The following KCNIP4 variants were observed in gnomAD, a reference collection of about 807,000 sequenced individuals.
The protein encoded by KCNIP4 is potassium voltage-gated channel interacting protein 4, also known as Kv channel-interacting protein 4.
A neutral mutation model predicts 34.0 loss-of-function variants in KCNIP4; 12 were observed. The observed-to-expected ratio is 0.35, with a 90% confidence interval of 0.23 to 0.57. The LOEUF is 0.57. KCNIP4 is among the 20% of genes least tolerant of loss of function. KCNIP4 has a pLI of 0.83. For missense variants in KCNIP4, 238 were observed against 311.7 expected (o/e 0.76, Z 1.78); for synonymous variants, 124 against 102.2 (o/e 1.21, Z -1.29).
chr4:21,201,214 T>A (rs1756465210), intron 1 of KCNIP4, among the ~76,000 whole-genome samples: 1 of 152,246 alleles, frequency 6.6e-6, no homozygotes, highest in Non-Finnish European at 1.5e-5. Flanking sequence ...GTATCTGTTA[T>A]AGCCCAATAT....
rs890859568 is a variant in KCNIP4 at position 21,303,939 on chromosome 4, T to A, written c.62-421230A>T. ...TAGGTCATGGTCCGACCACAGCCAC[T>A]GAGAAGTGCTCCTCTGCCTGGCTTT... On this transcript the variant is annotated intron_variant, in intron 1 of 8. Coordinates refer to ENST00000382152, the MANE Select transcript of KCNIP4 (RefSeq NM_025221.6). The A allele has an allele frequency of 6.8e-6, 11 of 1,611,544 alleles. No individual in the cohort carries two copies. The Admixed American group carries it at 1.7e-4, about 24-fold the overall frequency.
chr4:21,607,944 G>A (rs1233697489), intron 1 of KCNIP4, among the ~76,000 whole-genome samples: 1 of 152,164 alleles, frequency 6.6e-6, no homozygotes, highest in Non-Finnish European at 1.5e-5. Flanking sequence ...GGGGAGCTGA[G>A]ACGCTGCAGG....
intron 1 of KCNIP4, among the ~76,000 whole-genome samples, chr4:21,936,601 C>T (rs1729875624): frequency 6.6e-6 from 1 of 152,054 alleles, no homozygotes; most frequent in South Asian, 2.1e-4. Context: ...AACAGAATTA[C>T]CGGGCAAGAA....
At chr4:21,834,575 A>G (rs1723199221) in intron 1 of KCNIP4, among the ~76,000 whole-genome samples, 2 of 152,060 alleles carry the variant, frequency 1.3e-5, no homozygotes, top group African/African-American at 4.8e-5. Flanking sequence ...CTAATTGAAT[A>G]CCCTTTATTT....
At chr4:21,340,742 C>A (rs1716679133) in intron 1 of KCNIP4, among the ~76,000 whole-genome samples, 2 of 151,850 alleles carry the variant, frequency 1.3e-5, no homozygotes, top group South Asian at 4.1e-4. Flanking sequence ...AACAAGGCTG[C>A]AGTTTAGTGT....
At chr4:21,031,901 G>C (rs1741057109) in intron 1 of KCNIP4, among the ~76,000 whole-genome samples, 1 of 152,174 alleles carries the variant, frequency 6.6e-6, no homozygotes, top group African/African-American at 2.4e-5. Context: ...ATTTTGAGCT[G>C]TAAGGTATCT....
chr4:20,814,805 C>T (rs545234316), intron 3 of KCNIP4, among the ~76,000 whole-genome samples: 32 of 152,196 alleles, frequency 2.1e-4, no homozygotes, highest in African/African-American at 4.8e-4. Context: ...AATTATAGGA[C>T]GACCTGGAGA....
Position 21,513,017 on chromosome 4 carries a change from G to A in KCNIP4, c.61+435554C>T, listed in dbSNP as rs188848306. On this transcript the variant is annotated intron_variant, in intron 1 of 8. Transcript: ENST00000382152. The stretch of plus-strand genomic sequence containing the variant: ...TGTGGCTTGTGTGGAGTAAGCGGAA[G>A]ATAAATGCTGTTACATTGTTACCAT... 1.1e-3 allele frequency among the ~76,000 whole-genome samples: 167 copies of A among 152,258 alleles called. 1 individual carries two copies. Among genetic ancestry groups the A allele is most frequent in the African/African-American group, 3.8e-3 (158 of 41,562 alleles).
At chr4:21,813,647 T>C (rs1040514756) in intron 1 of KCNIP4, among the ~76,000 whole-genome samples, 9 of 152,138 alleles carry the variant, frequency 5.9e-5, no homozygotes, top group African/African-American at 1.9e-4. Flanking sequence ...GGCAAACTAA[T>C]GCAAATATAA....
chr4:21,857,189 C>A (rs940631884), intron 1 of KCNIP4, among the ~76,000 whole-genome samples: 1 of 152,236 alleles, frequency 6.6e-6, no homozygotes, highest in African/African-American at 2.4e-5. Context: ...AATCAGCATA[C>A]ACTTCCTCTC....
At chr4:21,460,724 A>C (rs73105849) in intron 1 of KCNIP4, among the ~76,000 whole-genome samples, 5,193 of 152,174 alleles carry the variant, frequency 0.034, 121 homozygotes, top group East Asian at 0.037. Context: ...ATTCCATTGC[A>C]AATTAGGGCA....
chr4:21,345,437 T>C (rs552058953), intron 1 of KCNIP4, among the ~76,000 whole-genome samples: 3 of 152,258 alleles, frequency 2.0e-5, no homozygotes, highest in African/African-American at 7.2e-5. Flanking sequence ...GCCACTAAGT[T>C]TGAGGTGATT....
intron 3 of KCNIP4, among the ~76,000 whole-genome samples, chr4:20,836,136 T>A (rs1446100511): frequency 6.6e-6 from 1 of 152,192 alleles, no homozygotes; most frequent in African/African-American, 2.4e-5. Flanking sequence ...GATTTTGCCC[T>A]GTGCAATGAG....
rs73102115 is a variant in KCNIP4, at chr4:21,322,674, T to C, written c.62-439965A>G. Reference sequence around the variant, plus strand: ...ACATGGTGAAAAGGGACACTTCATTTAAGTGAATCCGAAGTTTAATGTTTG... The same window carrying C: ...ACATGGTGAAAAGGGACACTTCATTCAAGTGAATCCGAAGTTTAATGTTTG... On this transcript the variant is annotated intron_variant, in intron 1 of 8. Transcript: ENST00000382152. Among the ~76,000 whole-genome samples the C allele has an allele frequency of 4.2e-3, 640 of 152,178 alleles. 5 individuals carry two copies. Among genetic ancestry groups the C allele is most frequent in the African/African-American group, 0.015 (611 of 41,506 alleles).
chr4:20,853,520 A>T (rs1721258353), intron 2 of KCNIP4, among the ~76,000 whole-genome samples: 1 of 152,210 alleles, frequency 6.6e-6, no homozygotes, highest in African/African-American at 2.4e-5. Context: ...TAAATCTAAG[A>T]CCAGATACTG....
Position 20,883,919 on chromosome 4 carries a change from C to T in KCNIP4, c.62-1210G>A, listed in dbSNP as rs75116932. 6.9e-3 allele frequency among the ~76,000 whole-genome samples: 1,044 copies of T among 152,280 alleles called. 15 individuals are homozygous for T. The highest frequency in any genetic ancestry group is 0.024 in the African/African-American group (999 of 41,554). The stretch of plus-strand genomic sequence containing the variant: ...CTTCATGTTGTTTTTCTATCGAGGA[C>T]GCCAAGTATGATCTGGCCCTGTCTG... On this transcript the variant is annotated intron_variant, in intron 1 of 8. Transcript: ENST00000382152.
intron 1 of KCNIP4, among the ~76,000 whole-genome samples, chr4:21,109,979 C>T (rs1007730124): frequency 2.0e-5 from 3 of 152,032 alleles, no homozygotes; most frequent in Admixed American, 6.6e-5. Flanking sequence ...TTGAAATACA[C>T]AAATTTGTTG....
At chr4:20,990,942 C>T (rs529562418) in intron 1 of KCNIP4, among the ~76,000 whole-genome samples, 25 of 152,198 alleles carry the variant, frequency 1.6e-4, no homozygotes, top group Non-Finnish European at 3.4e-4. Flanking sequence ...ATTCCTACCA[C>T]GTGACACACA....
rs147627684 is a variant in KCNIP4 at position 21,024,227 on chromosome 4, C to T, written c.62-141518G>A. Reference sequence around the variant, plus strand: ...AAGTAAAGTAATGCTTTTTCCCTTGCGACGTCATTAGCTAGTACAATGAAT... The same window carrying T: ...AAGTAAAGTAATGCTTTTTCCCTTGTGACGTCATTAGCTAGTACAATGAAT... On this transcript the variant is annotated intron_variant, in intron 1 of 8. Transcript: ENST00000382152. 2.3e-4 allele frequency among the ~76,000 whole-genome samples: 35 copies of T among 152,156 alleles called. No individual in the cohort carries two copies. The East Asian group carries it at 6.4e-3, about 28-fold the overall frequency.
Sources: gnomAD v4.1 joint callset for allele counts (sites outside exome capture counted in the v4.1 genomes callset) on GRCh38, gnomAD v4.1.1 for gene constraint, MANE v1.5 for transcripts, NCBI Gene and HGNC (gene_info 2026-07-23, HGNC 2026-07-21) for gene names.